The following PRH1 variants were observed in gnomAD, a reference collection of about 807,000 sequenced individuals.
PRH1 encodes the protein salivary acidic proline-rich phosphoprotein 1/2.
PRH1 carries 7 observed loss-of-function variants against 7.9 expected under a neutral mutation model. That is an observed-to-expected ratio of 0.89 (90% CI 0.50 to 1.67). The LOEUF (loss-of-function observed/expected upper bound fraction) is 1.67, where lower values mean the gene tolerates loss of function less well. Among genes scored for constraint, PRH1 ranks in the 40% most tolerant of loss-of-function variants. The pLI is 0.00. For missense variants in PRH1, 109 were observed against 223.6 expected, an observed-to-expected ratio of 0.49 and a Z score of 3.27; for synonymous variants, 45 against 80.8, an observed-to-expected ratio of 0.56 and a Z score of 2.38.
At chr12:10,911,611 C>T (rs1441107987) in intron 2 of PRH1, among the ~76,000 whole-genome samples, 1 of 152,118 alleles carries the variant, frequency 6.6e-6, no homozygotes, top group Non-Finnish European at 1.5e-5. Flanking sequence ...ATATTTGCAG[C>T]TATGTTTTTA....
intron 1 of PRH1, among the ~76,000 whole-genome samples, chr12:11,038,419 T>TTTCA (rs1345336167): frequency 3.9e-5 from 6 of 152,264 alleles, no homozygotes; most frequent in Non-Finnish European, 7.3e-5. Flanking sequence ...CACTCATATG[T>TTTCA]TTCACTACAG....
At chr12:11,029,483 G>A (rs1316800321) in intron 1 of PRH1, among the ~76,000 whole-genome samples, 1 of 152,192 alleles carries the variant, frequency 6.6e-6, no homozygotes, top group East Asian at 1.9e-4. Flanking sequence ...AAGTTTAGAA[G>A]GAATTTCATA....
At chr12:10,921,681 T>C (rs1431560396) in intron 2 of PRH1, among the ~76,000 whole-genome samples, 2 of 152,210 alleles carry the variant, frequency 1.3e-5, no homozygotes, top group Non-Finnish European at 2.9e-5. Flanking sequence ...AAAGCATAAT[T>C]ACTGCCCTTC....
At chr12:11,128,042 C>T (rs1320478634) in intron 1 of PRH1, among the ~76,000 whole-genome samples, 2 of 142,908 alleles carry the variant, frequency 1.4e-5, no homozygotes, top group Admixed American at 7.5e-5. Flanking sequence ...ACCCAGGAGG[C>T]GGAGCTTGCA....
chr12:10,998,049 GA>G (rs1166375416), intron 1 of PRH1, among the ~76,000 whole-genome samples: 1 of 152,136 alleles, frequency 6.6e-6, no homozygotes, highest in African/African-American at 2.4e-5. Context: ...TTAAACTAAT[GA>G]ATGAGTTCAA....
At position 11,106,273 on chromosome 12, in the gene PRH1, C is replaced by T. The variant is rs139481923; in HGVS notation, n.124-59085G>A. On this transcript the variant is annotated intron_variant and non_coding_transcript_variant, in intron 1 of 4. Transcript: ENST00000541977. The stretch of plus-strand genomic sequence containing the variant: ...TTCTTAAGAAGCTCATTAATACAAA[C>T]ACACTCAAACCCATACACACATACT... Among the ~76,000 whole-genome samples the T allele has an allele frequency of 3.9e-3, 598 of 152,212 alleles. 1 individual carries two copies. Among genetic ancestry groups the T allele is most frequent in the African/African-American group, 0.014 (568 of 41,544 alleles).
chr12:10,997,135 T>C (rs988226309), intron 1 of PRH1: 4 of 1,614,008 alleles, frequency 2.5e-6, no homozygotes, highest in South Asian at 1.1e-5. Context: ...TCCAAAACGA[T>C]ATGATTAGAC....
intron 2 of PRH1, chr12:10,908,700 A>G (rs1335290961): frequency 6.2e-7 from 1 of 1,613,848 alleles, no homozygotes; most frequent in Non-Finnish European, 8.5e-7. Flanking sequence ...GAAAATTAAC[A>G]GGAGAAAAGA....
chr12:10,915,737 T>C (rs965229421), intron 2 of PRH1, among the ~76,000 whole-genome samples: 1 of 152,230 alleles, frequency 6.6e-6, no homozygotes, highest in Admixed American at 6.5e-5. Context: ...GCCAACAGGA[T>C]AGCCAAACAT....
chr12:10,907,952 T>A (rs558998705), intron 2 of PRH1: 19 of 159,506 alleles, frequency 1.2e-4, no homozygotes, highest in African/African-American at 4.3e-4. Flanking sequence ...CCTAATTCTA[T>A]TCCAAATAAC....
At chr12:11,082,201 C>T (rs543300978) in intron 1 of PRH1, among the ~76,000 whole-genome samples, 1 of 115,906 alleles carries the variant, frequency 8.6e-6, no homozygotes, top group East Asian at 2.1e-4. Flanking sequence ...ATGATGATGT[C>T]AGCTAAAAGG....
intron 1 of PRH1, among the ~76,000 whole-genome samples, chr12:10,977,150 A>G (rs1382025589): frequency 6.6e-6 from 1 of 152,182 alleles, no homozygotes; most frequent in Non-Finnish European, 1.5e-5. Flanking sequence ...TAATAAACAC[A>G]GATGAAAAAG....
At chr12:10,884,417 G>T, upstream of PRH1, 4 of 628,584 alleles carry the variant, frequency 6.4e-6, no homozygotes, top group Admixed American at 1.1e-4. Flanking sequence ...CAGCAGGAAG[G>T]GTTGGGTAGG....
At chr12:11,042,419 A>C (rs1442405352) in intron 1 of PRH1, among the ~76,000 whole-genome samples, 1 of 149,960 alleles carries the variant, frequency 6.7e-6, no homozygotes, top group Non-Finnish European at 1.5e-5. Flanking sequence ...ACCATAAAGA[A>C]GCCCAAAACC....
intron 2 of PRH1, chr12:10,908,237 A>G (rs1445069366): frequency 1.6e-6 from 1 of 618,480 alleles, no homozygotes; most frequent in Non-Finnish European, 2.7e-6. Flanking sequence ...ATGCTATTAT[A>G]GAGAAGAATT....
intron 2 of PRH1, among the ~76,000 whole-genome samples, chr12:10,972,932 A>AC (rs545868427): frequency 0.012 from 951 of 79,060 alleles, 41 homozygotes; most frequent in African/African-American, 0.038. Context: ...ACCACAACCC[A>AC]CCCCCCCCGC....
chr12:11,062,051 T>C lies in PRH1; in HGVS notation n.124-14863A>G, dbSNP rs772217073. 16 of 1,613,742 alleles carry C rather than the reference T, an allele frequency of 9.9e-6. No individual in the cohort carries two copies. In the South Asian group the frequency reaches 1.8e-4, roughly 18 times the overall value. On this transcript the variant is annotated intron_variant and non_coding_transcript_variant, in intron 1 of 4. Coordinates refer to the PRH1 transcript ENST00000541977. ...ACTGCCCAGACATTGTAAGCAGTAA[T>C]TCTTACTTCTATACTGTTAAAAGCT... is the stretch of plus-strand genomic sequence containing the variant.
chr12:10,969,185 T>C (rs1204541364), intron 2 of PRH1, among the ~76,000 whole-genome samples: 1 of 152,182 alleles, frequency 6.6e-6, no homozygotes, highest in Non-Finnish European at 1.5e-5. Flanking sequence ...GCCAGACTCT[T>C]CTCGAAAGTC....
At chr12:11,062,040 G>T (rs1324793587) in intron 1 of PRH1, 2 of 1,612,256 alleles carry the variant, frequency 1.2e-6, no homozygotes, top group Non-Finnish European at 1.7e-6. Flanking sequence ...CCCAGACATT[G>T]TAAGCAGTAA....
Sources: allele counts gnomAD v4.1 joint callset (sites outside exome capture counted in the v4.1 genomes callset), GRCh38; gene constraint gnomAD v4.1.1; transcripts MANE v1.5; gene names NCBI Gene and HGNC (gene_info 2026-07-23, HGNC 2026-07-21).